ETS1: variants seen among roughly 807,000 people sequenced by gnomAD.
ETS1 encodes the protein protein C-ets-1.
ETS1 carries 15 observed loss-of-function variants against 58.6 expected under a neutral mutation model. The ratio of observed to expected loss-of-function variants is 0.26; its 90% confidence interval spans 0.17 to 0.39. The LOEUF is 0.39. ETS1 is among the 10% of genes least tolerant of loss of function. ETS1 has a pLI of 1.00. For missense variants in ETS1, 417 were observed against 610.5 expected (o/e 0.68, Z 3.34); for synonymous variants, 214 against 218.2 (o/e 0.98, Z 0.17).
Position 128,484,867 on chromosome 11 carries a change from T to A in ETS1, c.818A>T (p.Glu273Val). ...LQNDYFAIKQEVVTPDNMCMG... is the reference protein window; with the variant it reads ...LQNDYFAIKQVVVTPDNMCMG... ...GCACATGTTGTCTGGGGTGACGACT[T>A]CTTGTTTGATAGCAAAGTAGTCATT... The change falls in exon 7 of 10, where the codon GAA becomes GTA. Residue 273 changes from glutamate (E) to valine (V), a missense_variant. This residue lies in a region of ETS1 where 139 missense variants were observed against 152.1 expected (regional missense o/e 0.91). Transcript: ENST00000392668. The A allele has an allele frequency of 6.2e-7, 1 of 1,614,064 alleles. No homozygotes were observed. Among genetic ancestry groups the A allele is most frequent in the Non-Finnish European group, 8.5e-7 (1 of 1,179,962 alleles).
intron 3 of ETS1, among the ~76,000 whole-genome samples, chr11:128,508,909 AC>A (rs1397442567): frequency 1.3e-5 from 2 of 152,148 alleles, no homozygotes; most frequent in Non-Finnish European, 2.9e-5. Context: ...TTTCTTACGA[AC>A]CAAGGCAGTC....
chr11:128,563,891 C>T (rs749290748), intron 2 of ETS1, among the ~76,000 whole-genome samples: 1 of 152,162 alleles, frequency 6.6e-6, no homozygotes, highest in Non-Finnish European at 1.5e-5. Context: ...AATACCTAGG[C>T]CATTTCTCTG....
intron 8 of ETS1, among the ~76,000 whole-genome samples, chr11:128,468,946 A>G (rs1000422157): frequency 6.6e-6 from 1 of 152,232 alleles, no homozygotes; most frequent in Non-Finnish European, 1.5e-5. Context: ...AATGCCAGGT[A>G]TGATAGCTTG....
chr11:128,525,555 C>T (rs1179622471), intron 3 of ETS1, among the ~76,000 whole-genome samples: 3 of 141,802 alleles, frequency 2.1e-5, no homozygotes, highest in Non-Finnish European at 3.0e-5. Context: ...AGACCACTAA[C>T]GGCTGATCCA....
chr11:128,481,863 A>G, intron 7 of ETS1, among the ~76,000 whole-genome samples: 1 of 152,224 alleles, frequency 6.6e-6, no homozygotes, highest in Admixed American at 6.5e-5. Flanking sequence ...TATTCGGTTG[A>G]GTGTGTACTT....
chr11:128,525,405 C>G (rs911820251), intron 3 of ETS1, among the ~76,000 whole-genome samples: 1 of 152,030 alleles, frequency 6.6e-6, no homozygotes, highest in Non-Finnish European at 1.5e-5. Flanking sequence ...TAATGTTGAA[C>G]AATCATGGAA....
chr11:128,530,914 C>A (rs190360906), intron 3 of ETS1, among the ~76,000 whole-genome samples: 35 of 152,308 alleles, frequency 2.3e-4, no homozygotes, highest in Admixed American at 1.2e-3. Flanking sequence ...ATCTACATAT[C>A]CATCCACTTT....
At position 128,459,757 on chromosome 11, in the gene ETS1, A is replaced by G. The variant is rs2135402775; in HGVS notation, c.*2604T>C. Reference sequence around the variant, plus strand: ...AGCTGTCTTAACTAATACACTATCTACAAATCTTGAAAATGGTGGACTTAG... The same window carrying G: ...AGCTGTCTTAACTAATACACTATCTGCAAATCTTGAAAATGGTGGACTTAG... On this transcript the variant is annotated 3_prime_UTR_variant, in exon 10 of 10. Coordinates refer to ENST00000392668, the MANE Select transcript of ETS1 (RefSeq NM_001143820.2). 6.5e-6 allele frequency: 1 copy of G among 152,886 alleles called. No homozygotes were observed. Among genetic ancestry groups the G allele is most frequent in the East Asian group, 1.9e-4 (1 of 5,334 alleles). The allele number at this position is 152,886 out of a possible 1,614,324, so 9.5% of individuals were successfully genotyped here. A position where few individuals can be genotyped will look rare whatever the true frequency, so the allele number is the denominator to read the frequency against.
chr11:128,505,882 C>T (rs1863215654), intron 3 of ETS1, among the ~76,000 whole-genome samples: 1 of 152,200 alleles, frequency 6.6e-6, no homozygotes, highest in Non-Finnish European at 1.5e-5. Flanking sequence ...CCGGACTGAA[C>T]TGTCTGCATG....
intron 3 of ETS1, among the ~76,000 whole-genome samples, chr11:128,491,535 T>C (rs1449157471): frequency 9.9e-5 from 15 of 152,222 alleles, no homozygotes; most frequent in Admixed American, 9.8e-4. Context: ...AAGAAAAGAA[T>C]ACTCCAGATC....
In ETS1 at chr11:128,490,550, A is replaced by G. The variant is rs2230005; in HGVS notation, c.241T>C (p.Leu81=). The part of the protein sequence containing the change: ...SDMECADVPL[L]TPSSKEMMSQ... ...ATCATTTCTTTGCTGCTTGGAGTTAATAGTGGGACATCTGCACATTCCATA... is the reference window on the plus strand; with the variant it reads ...ATCATTTCTTTGCTGCTTGGAGTTAGTAGTGGGACATCTGCACATTCCATA... The change falls in exon 4 of 10, where the codon TTA becomes CTA. Residue 81 remains leucine, a synonymous_variant. Coordinates refer to ENST00000392668, the MANE Select transcript of ETS1 (RefSeq NM_001143820.2). 31 of 1,612,658 alleles carry G rather than the reference A, an allele frequency of 1.9e-5. No individual in the cohort carries two copies. The East Asian group carries it at 2.2e-4, about 12-fold the overall frequency.
intron 1 of ETS1, among the ~76,000 whole-genome samples, chr11:128,578,825 A>G (rs1385605596): frequency 1.3e-5 from 2 of 152,218 alleles, no homozygotes; most frequent in South Asian, 2.1e-4. Flanking sequence ...AAAGATGATG[A>G]CTGCCAAGTA....
rs1488297477 is a variant in ETS1 at position 128,516,381 on chromosome 11, G to A, written c.215-25805C>T. Among the ~76,000 whole-genome samples the A allele has an allele frequency of 2.6e-5, 4 of 152,278 alleles. No homozygotes were observed. In the East Asian group the frequency reaches 7.7e-4, roughly 29 times the overall value. Reference sequence around the variant, plus strand: ...AGACCTAGAATACTGCAAACATAGAGGCAAATGCTATCAGAGGTTCCTTGT... The same window carrying A: ...AGACCTAGAATACTGCAAACATAGAAGCAAATGCTATCAGAGGTTCCTTGT... On this transcript the variant is annotated intron_variant, in intron 3 of 9. Transcript: ENST00000392668.
At chr11:128,503,594 T>C (rs936822639) in intron 3 of ETS1, among the ~76,000 whole-genome samples, 3 of 152,194 alleles carry the variant, frequency 2.0e-5, no homozygotes, top group Non-Finnish European at 2.9e-5. Flanking sequence ...TAGACCAAAC[T>C]GTGAAGATCT....
At chr11:128,483,386 C>A (rs1565373936) in intron 7 of ETS1, among the ~76,000 whole-genome samples, 1 of 152,156 alleles carries the variant, frequency 6.6e-6, no homozygotes, top group Non-Finnish European at 1.5e-5. Flanking sequence ...GAGCCCAAAC[C>A]CACAGGCTTG....
At chr11:128,496,010 CAGA>C (rs1483736149) in intron 3 of ETS1, among the ~76,000 whole-genome samples, 1 of 152,062 alleles carries the variant, frequency 6.6e-6, no homozygotes, top group East Asian at 1.9e-4. Flanking sequence ...TACACACACG[CAGA>C]AGAATTATAC....
At chr11:128,524,523 T>G (rs1263542886) in intron 3 of ETS1, among the ~76,000 whole-genome samples, 1 of 152,178 alleles carries the variant, frequency 6.6e-6, no homozygotes, top group Non-Finnish European at 1.5e-5. Flanking sequence ...GTTAAAATAT[T>G]TTTTACATAT....
At chr11:128,514,590 C>T (rs1421237446) in intron 3 of ETS1, among the ~76,000 whole-genome samples, 3 of 152,312 alleles carry the variant, frequency 2.0e-5, no homozygotes, top group East Asian at 1.9e-4. Context: ...CAAGAGAGAG[C>T]TTCACAGACA....
At chr11:128,487,421 T>C (rs905978548) in intron 5 of ETS1, among the ~76,000 whole-genome samples, 4 of 152,152 alleles carry the variant, frequency 2.6e-5, no homozygotes, top group Non-Finnish European at 5.9e-5. Flanking sequence ...AAGCACAGGA[T>C]GGGATGTTAA....
Sources: allele counts gnomAD v4.1 joint callset (sites outside exome capture counted in the v4.1 genomes callset), GRCh38; gene constraint gnomAD v4.1.1; regional missense constraint gnomAD v4.1.1; transcripts MANE v1.5; gene names NCBI Gene and HGNC (gene_info 2026-07-23, HGNC 2026-07-21).